Variants in SLC18A3 observed in about 807,000 individuals in gnomAD.
SLC18A3 encodes the protein vesicular acetylcholine transporter.
A neutral mutation model predicts 24.2 loss-of-function variants in SLC18A3; 18 were observed. The ratio of observed to expected loss-of-function variants is 0.74; its 90% CI spans 0.51 to 1.10. SLC18A3 has a LOEUF of 1.10. Ranked by LOEUF, SLC18A3 falls within the 50% of genes least tolerant of loss-of-function variation. The pLI, the probability that SLC18A3 is intolerant of heterozygous loss-of-function variation, is 0.00. For missense variants in SLC18A3, 744 were observed against 750.7 expected (o/e 0.99, Z 0.10); for synonymous variants, 415 against 355.4 (o/e 1.17, Z -1.89).
At position 49,611,674 on chromosome 10, in the gene SLC18A3, A is replaced by G. The variant is rs1306901124; in HGVS notation, c.934A>G (p.Ile312Val). Reference protein sequence around the residue: ...NIPLAFLEPTIATWMKHTMAA... With the variant: ...NIPLAFLEPTVATWMKHTMAA... Reference sequence around the variant, plus strand: ...TCCCCTCGCCTTCCTCGAACCCACCATTGCCACGTGGATGAAGCATACGAT... The same window carrying G: ...TCCCCTCGCCTTCCTCGAACCCACCGTTGCCACGTGGATGAAGCATACGAT... The change falls in exon 1 of 1, where the codon ATT (isoleucine) becomes GTT (valine). Residue 312 changes from isoleucine (I) to valine (V), a missense_variant. Coordinates refer to ENST00000374115, the MANE Select transcript of SLC18A3 (RefSeq NM_003055.3). The G allele has an allele frequency of 1.2e-6, 2 of 1,610,888 alleles. No individual in the cohort carries two copies. Among genetic ancestry groups the G allele is most frequent in the East Asian group, 2.2e-5 (1 of 44,850 alleles).
At position 49,612,359 on chromosome 10, in the gene SLC18A3, G is replaced by C. The variant is rs770800996; in HGVS notation, c.*20G>C. 1.1e-5 allele frequency: 17 copies of C among 1,562,656 alleles called. No individual in the cohort carries two copies. In the South Asian group the frequency reaches 1.8e-4, roughly 17 times the overall value. On this transcript the variant is annotated 3_prime_UTR_variant, in exon 1 of 1. Coordinates refer to ENST00000374115, the MANE Select transcript of SLC18A3 (RefSeq NM_003055.3). ...AGCTAGCATCCCCACTCCTCCTCCA[G>C]CCCACCCAACCGCCTTGGGTCAAGG...
chr10:49,610,639 C>G lies in SLC18A3; in HGVS notation c.-102C>G. On this transcript the variant is annotated 5_prime_UTR_variant, in exon 1 of 1. Transcript: ENST00000374115. ...TGAGGCACAGGGGAGTCTGCTCGGC[C>G]AGGACAGCCTCCCCGAAGTCCCGTG... is the stretch of plus-strand genomic sequence containing the variant. The G allele has an allele frequency of 8.1e-7, 1 of 1,242,032 alleles. No individual in the cohort carries two copies. The highest frequency in any genetic ancestry group is 1.6e-5 in the African/African-American group (1 of 63,770). 76.9% of individuals were successfully genotyped at this position (1,242,032 alleles called of 1,614,324 possible).
Position 49,611,723 on chromosome 10 carries a change from G to T in SLC18A3, c.983G>T (p.Gly328Val). ...ATGGCGGCTTCCGAGTGGGAGATGG[G>T]CATGGCCTGGCTGCCGGCCTTCGTG... Reference protein sequence around the residue: ...HTMAASEWEMGMAWLPAFVPH... With the variant: ...HTMAASEWEMVMAWLPAFVPH... Residue 328 changes from glycine (G) to valine (V), a missense_variant, in exon 1 of 1, where the codon GGC becomes GTC. Coordinates refer to ENST00000374115, the MANE Select transcript of SLC18A3 (RefSeq NM_003055.3). 1 of 1,606,530 alleles carries T rather than the reference G, an allele frequency of 6.2e-7. No homozygotes were observed. Among genetic ancestry groups the T allele is most frequent in the Non-Finnish European group, 8.5e-7 (1 of 1,179,958 alleles).
In SLC18A3 at chr10:49,610,598, G is replaced by A; in HGVS notation, c.-143G>A. 1 of 742,278 alleles carries A rather than the reference G, an allele frequency of 1.3e-6. No individual in the cohort carries two copies. The highest frequency in any genetic ancestry group is 2.0e-6 in the Non-Finnish European group (1 of 498,572). 46.0% of individuals were successfully genotyped at this position (742,278 alleles called of 1,614,324 possible). A position where few individuals can be genotyped will look rare whatever the true frequency, so the allele number is the denominator to read the frequency against. ...TTCCTTTCCCGGGACGCTGGGCCATGAGCTCCGCGGCCACCTGAGGCACAG... is the reference window on the plus strand; with the variant it reads ...TTCCTTTCCCGGGACGCTGGGCCATAAGCTCCGCGGCCACCTGAGGCACAG... On this transcript the variant is annotated 5_prime_UTR_variant, in exon 1 of 1. It removes an upstream start codon present in the reference 5' UTR. Transcript: ENST00000374115.
chr10:49,610,628 G>C lies in SLC18A3; in HGVS notation c.-113G>C. On this transcript the variant is annotated 5_prime_UTR_variant, in exon 1 of 1. Coordinates refer to ENST00000374115, the MANE Select transcript of SLC18A3 (RefSeq NM_003055.3). ...CCGCGGCCACCTGAGGCACAGGGGA[G>C]TCTGCTCGGCCAGGACAGCCTCCCC... 4 of 1,118,512 alleles carry C rather than the reference G, an allele frequency of 3.6e-6. No homozygotes were observed. The highest frequency in any genetic ancestry group is 4.8e-6 in the Non-Finnish European group (4 of 827,718). The allele number at this position is 1,118,512 out of a possible 1,614,324, so 69.3% of individuals were successfully genotyped here. A position where few individuals can be genotyped will look rare whatever the true frequency, so the allele number is the denominator to read the frequency against.
In SLC18A3 at chr10:49,610,481, C is replaced by T. The variant is rs1285562063; in HGVS notation, c.-260C>T. The T allele has an allele frequency of 5.0e-6, 2 of 399,522 alleles. No homozygotes were observed. Among genetic ancestry groups the T allele is most frequent in the Non-Finnish European group, 8.8e-6 (2 of 228,454 alleles). The allele number at this position is 399,522 out of a possible 1,614,324, so 24.7% of individuals were successfully genotyped here. A position where few individuals can be genotyped will look rare whatever the true frequency, so the allele number is the denominator to read the frequency against. ...CCAGTCTCCGGCCCCGGCCCCTCGG[C>T]GCGCCCGACTTCCCGGCCGCCCCTG... On this transcript the variant is annotated 5_prime_UTR_variant, in exon 1 of 1. Coordinates refer to ENST00000374115, the MANE Select transcript of SLC18A3 (RefSeq NM_003055.3).
rs781190076 is a variant in SLC18A3 at position 49,610,807 on chromosome 10, G to A, written c.67G>A (p.Ala23Thr). 1 of 1,595,094 alleles carries A rather than the reference G, an allele frequency of 6.3e-7. No homozygotes were observed. The highest frequency in any genetic ancestry group is 8.5e-7 in the Non-Finnish European group (1 of 1,171,412). The part of the protein sequence containing the change: ...AATKLSEAVG[A>T]ALQEPRRQRR... ...CACCAAGCTGTCGGAGGCTGTGGGC[G>A]CGGCGCTGCAGGAGCCCCGGCGGCA... Residue 23 changes from alanine (A) to threonine (T), a missense_variant, in exon 1 of 1, where the codon GCG becomes ACG. By Grantham distance (58) the Ala-to-Thr change is moderately conservative. Transcript: ENST00000374115.
Position 49,610,852 on chromosome 10 carries a change from A to G in SLC18A3, c.112A>G (p.Ile38Val), listed in dbSNP as rs1838273857. 6.2e-7 allele frequency: 1 copy of G among 1,612,282 alleles called. No individual in the cohort carries two copies. Among genetic ancestry groups the G allele is most frequent in the African/African-American group, 1.3e-5 (1 of 74,906 alleles). The change falls in exon 1 of 1, where the codon ATC becomes GTC. Residue 38 changes from isoleucine to valine, a missense_variant. Physicochemically the swap from Ile to Val is conservative, Grantham distance 29 (BLOSUM62 3). Transcript: ENST00000374115. ...PRRQRRLVLV[I>V]VCVALLLDNM... is the part of the protein sequence containing the mutation. The stretch of plus-strand genomic sequence containing the variant: ...GCGGCAGAGGCGCCTGGTGCTTGTT[A>G]TCGTGTGCGTGGCGCTGTTACTGGA...
chr10:49,612,258 C>A lies in SLC18A3; in HGVS notation c.1518C>A (p.Gly506=). The change falls in exon 1 of 1, where the codon GGC becomes GGA. Residue 506 remains glycine (G), a synonymous_variant. Coordinates refer to ENST00000374115, the MANE Select transcript of SLC18A3 (RefSeq NM_003055.3). ...AVRLRERPVS[G]QDGEPRSPPG... ...GCCTGCGTGAGCGTCCTGTGTCTGG[C>A]CAGGACGGCGAGCCTCGCAGCCCGC... The A allele has an allele frequency of 6.2e-7, 1 of 1,610,478 alleles. No individual in the cohort carries two copies. The highest frequency in any genetic ancestry group is 8.5e-7 in the Non-Finnish European group (1 of 1,179,924).
chr10:49,610,775 C>T lies in SLC18A3; in HGVS notation c.35C>T (p.Ala12Val), dbSNP rs1449435830. ...ESAEPAGQAR[A>V]AATKLSEAVG... ...GCGGAACCTGCGGGCCAGGCCCGGG[C>T]GGCGGCCACCAAGCTGTCGGAGGCT... Residue 12 changes from alanine (A) to valine (V), a missense_variant, in exon 1 of 1, where the codon GCG (alanine) becomes GTG (valine). Transcript: ENST00000374115. 3.2e-6 allele frequency: 5 copies of T among 1,561,480 alleles called. No individual in the cohort carries two copies. The highest frequency in any genetic ancestry group is 4.3e-6 in the Non-Finnish European group (5 of 1,155,548).
Position 49,611,367 on chromosome 10 carries a change from G to A in SLC18A3, c.627G>A (p.Glu209=), listed in dbSNP as rs1838289978. Residue 209 remains glutamate, a synonymous_variant, in exon 1 of 1, where the codon GAG becomes GAA. Transcript: ENST00000374115. ...CCGATAAGTACCCGGAGGAGCCGGAGCGCAGTCGTGCACTGGGCGTGGCGC... is the reference window on the plus strand; with the variant it reads ...CCGATAAGTACCCGGAGGAGCCGGAACGCAGTCGTGCACTGGGCGTGGCGC... ...MIADKYPEEP[E]RSRALGVALA... is the part of the protein sequence containing the mutation. 1.9e-6 allele frequency: 3 copies of A among 1,599,994 alleles called. No individual in the cohort carries two copies. The highest frequency in any genetic ancestry group is 2.5e-6 in the Non-Finnish European group (3 of 1,179,750).
In SLC18A3 at chr10:49,611,912, G is replaced by A. The variant is rs1838309003; in HGVS notation, c.1172G>A (p.Cys391Tyr). ...APLVVSLCGL[C>Y]FGIALVDTAL... ...CTAGTGGTCTCACTATGCGGCCTCT[G>A]TTTTGGCATAGCCCTAGTCGACACA... Residue 391 changes from cysteine to tyrosine, a missense_variant, in exon 1 of 1, where the codon TGT becomes TAT. Around this residue, in one of 3 missense-constraint regions of SLC18A3, gnomAD observed 566 missense variants for 566.2 expected, o/e 1.00. Coordinates refer to ENST00000374115, the MANE Select transcript of SLC18A3 (RefSeq NM_003055.3). 4 of 1,612,060 alleles carry A rather than the reference G, an allele frequency of 2.5e-6. No individual in the cohort carries two copies. The highest frequency in any genetic ancestry group is 3.4e-6 in the Non-Finnish European group (4 of 1,179,810).
Position 49,610,587 on chromosome 10 carries a change from C to T in SLC18A3, c.-154C>T. 1 of 652,738 alleles carries T rather than the reference C, an allele frequency of 1.5e-6. No individual in the cohort carries two copies. Among genetic ancestry groups the T allele is most frequent in the East Asian group, 3.2e-5 (1 of 31,312 alleles). The allele number at this position is 652,738 out of a possible 1,614,324, so 40.4% of individuals were successfully genotyped here. Reference sequence around the variant, plus strand: ...GACGGAGTCCTTTCCTTTCCCGGGACGCTGGGCCATGAGCTCCGCGGCCAC... The same window carrying T: ...GACGGAGTCCTTTCCTTTCCCGGGATGCTGGGCCATGAGCTCCGCGGCCAC... On this transcript the variant is annotated 5_prime_UTR_variant, in exon 1 of 1. The change creates a new upstream start codon in the 5' untranslated region. Transcript: ENST00000374115.
Position 49,610,732 on chromosome 10 carries a change from G to T in SLC18A3, c.-9G>T. 1 of 1,505,640 alleles carries T rather than the reference G, an allele frequency of 6.6e-7. No homozygotes were observed. Among genetic ancestry groups the T allele is most frequent in the Non-Finnish European group, 8.8e-7 (1 of 1,130,216 alleles). 93.3% of individuals were successfully genotyped at this position (1,505,640 alleles called of 1,614,324 possible). On this transcript the variant is annotated 5_prime_UTR_variant, in exon 1 of 1. Transcript: ENST00000374115. Reference sequence around the variant, plus strand: ...GGAGGCGTCCTCGGAAGAGCATCGGGGTGGGGGCATGGAATCCGCGGAACC... The same window carrying T: ...GGAGGCGTCCTCGGAAGAGCATCGGTGTGGGGGCATGGAATCCGCGGAACC...
In SLC18A3 at chr10:49,612,257, G is replaced by A; in HGVS notation, c.1517G>A (p.Gly506Asp). ...CGCCTGCGTGAGCGTCCTGTGTCTG[G>A]CCAGGACGGCGAGCCTCGCAGCCCG... ...AVRLRERPVSGQDGEPRSPPG... is the reference protein window; with the variant it reads ...AVRLRERPVSDQDGEPRSPPG... Residue 506 changes from glycine to aspartate, a missense_variant, in exon 1 of 1, where the codon GGC becomes GAC. By Grantham distance (94) the Gly-to-Asp change is moderately conservative. Around this residue, in one of 3 missense-constraint regions of SLC18A3, gnomAD observed 160 missense variants for 140.9 expected, o/e 1.14. Coordinates refer to ENST00000374115, the MANE Select transcript of SLC18A3 (RefSeq NM_003055.3). 2 of 1,610,326 alleles carry A rather than the reference G, an allele frequency of 1.2e-6. No individual in the cohort carries two copies. The highest frequency in any genetic ancestry group is 1.7e-6 in the Non-Finnish European group (2 of 1,179,938).
Position 49,610,669 on chromosome 10 carries a change from C to A in SLC18A3, c.-72C>A, listed in dbSNP as rs1838264439. 5 of 1,398,498 alleles carry A rather than the reference C, an allele frequency of 3.6e-6. No individual in the cohort carries two copies. Among genetic ancestry groups the A allele is most frequent in the Non-Finnish European group, 4.7e-6 (5 of 1,072,514 alleles). The allele number at this position is 1,398,498 out of a possible 1,614,324, so 86.6% of individuals were successfully genotyped here. A position where few individuals can be genotyped will look rare whatever the true frequency, so the allele number is the denominator to read the frequency against. ...CAGCCTCCCCGAAGTCCCGTGCCCT[C>A]GCCTCTGCACTGCGGGACGCCAGCG... On this transcript the variant is annotated 5_prime_UTR_variant, in exon 1 of 1. Transcript: ENST00000374115.
Position 49,612,266 on chromosome 10 carries a change from G to A in SLC18A3, c.1526G>A (p.Gly509Asp). ...GAGCGTCCTGTGTCTGGCCAGGACGGCGAGCCTCGCAGCCCGCCTGGCCCT... is the reference window on the plus strand; with the variant it reads ...GAGCGTCCTGTGTCTGGCCAGGACGACGAGCCTCGCAGCCCGCCTGGCCCT... ...LRERPVSGQD[G>D]EPRSPPGPFD... Residue 509 changes from glycine to aspartate, a missense_variant, in exon 1 of 1, where the codon GGC (glycine) becomes GAC (aspartate). Gly to Asp is a moderately conservative substitution (Grantham distance 94). This residue lies in a region of SLC18A3 where 160 missense variants were observed against 140.9 expected (regional missense o/e 1.14). Transcript: ENST00000374115. 1 of 1,610,716 alleles carries A rather than the reference G, an allele frequency of 6.2e-7. No individual in the cohort carries two copies.
rs1039568668 is a variant in SLC18A3 at position 49,611,528 on chromosome 10, C to T, written c.788C>T (p.Ala263Val). The change falls in exon 1 of 1, where the codon GCC becomes GTC. Residue 263 changes from alanine to valine, a missense_variant. Physicochemically the swap from Ala to Val is moderately conservative, Grantham distance 64. Around this residue, in one of 3 missense-constraint regions of SLC18A3, gnomAD observed 566 missense variants for 566.2 expected, o/e 1.00. Transcript: ENST00000374115. ...GACGCGCTGTTGCTGCTGGCAGTGG[C>T]CAAACCCTTCTCGGCGGCTGCACGG... ...LFDALLLLAV[A>V]KPFSAAARAR... The T allele has an allele frequency of 6.2e-7, 1 of 1,602,476 alleles. No individual in the cohort carries two copies. The highest frequency in any genetic ancestry group is 1.3e-5 in the African/African-American group (1 of 75,054).
At position 49,612,286 on chromosome 10, in the gene SLC18A3, G is replaced by C; in HGVS notation, c.1546G>C (p.Gly516Arg). The C allele has an allele frequency of 6.2e-7, 1 of 1,612,226 alleles. No individual in the cohort carries two copies. Among genetic ancestry groups the C allele is most frequent in the Non-Finnish European group, 8.5e-7 (1 of 1,179,826 alleles). Reference sequence around the variant, plus strand: ...GGACGGCGAGCCTCGCAGCCCGCCTGGCCCTTTTGATGCGTGCGAGGACGA... The same window carrying C: ...GGACGGCGAGCCTCGCAGCCCGCCTCGCCCTTTTGATGCGTGCGAGGACGA... ...GQDGEPRSPP[G>R]PFDACEDDYN... The change falls in exon 1 of 1, where the codon GGC (glycine) becomes CGC (arginine). Residue 516 changes from glycine (G) to arginine (R), a missense_variant. Gly to Arg is a moderately radical substitution (Grantham distance 125). This residue lies in a region of SLC18A3 where 160 missense variants were observed against 140.9 expected (regional missense o/e 1.14). Transcript: ENST00000374115.
Sources: gnomAD v4.1 joint callset for allele counts on GRCh38, gnomAD v4.1.1 for gene constraint, gnomAD v4.1.1 regional missense constraint, MANE v1.5 for transcripts, NCBI Gene and HGNC (gene_info 2026-07-23, HGNC 2026-07-21) for gene names.